The following SCN9A variants were observed in gnomAD, a reference collection of about 807,000 sequenced individuals.
The protein encoded by SCN9A is sodium voltage-gated channel alpha subunit 9.
Under a neutral mutation model 187.0 loss-of-function variants are expected in SCN9A, and 131 were observed. The observed-to-expected ratio is 0.70, with a 90% CI of 0.61 to 0.81. SCN9A has a LOEUF of 0.81. SCN9A is among the 30% of genes least tolerant of loss of function. The pLI, the probability that SCN9A is intolerant of heterozygous loss-of-function variation, is 0.00. For missense variants in SCN9A, 2,252 were observed against 2,396.6 expected, an observed-to-expected ratio of 0.94 and a Z score of 1.26; for synonymous variants, 809 against 808.6, an observed-to-expected ratio of 1.00 and a Z score of -0.01.
At chr2:166,284,920 G>T in intron 11 of SCN9A, 96 bp from the exon 12 acceptor site, 2 of 1,331,644 alleles carry the variant, frequency 1.5e-6, no homozygotes, top group Non-Finnish European at 2.0e-6. Context: ...CTGAGGGCAG[G>T]TGGCTCTGTA....
At position 166,346,178 on chromosome 2, in the gene SCN9A, C is replaced by T. The variant is rs532090630; in HGVS notation, c.-51+29519G>A. Among the ~76,000 whole-genome samples the T allele has an allele frequency of 2.0e-5, 3 of 152,304 alleles. No individual in the cohort carries two copies. In the East Asian group the frequency reaches 5.8e-4, roughly 29 times the overall value. ...AACAAGAGTCAGTGATGCCCTACCA[C>T]TATCCCCTTTCCCCTGCCTTAATCA... On this transcript the variant is annotated intron_variant, in intron 1 of 26. Coordinates refer to ENST00000642356, the MANE Select transcript of SCN9A (RefSeq NM_001365536.1).
rs746552388 is a variant in SCN9A, at chr2:166,304,034, G to C, written c.688+204C>G. 1.1e-5 allele frequency: 18 copies of C among 1,612,934 alleles called. No individual in the cohort carries two copies. The South Asian group carries it at 1.6e-4, about 15-fold the overall frequency. ...TGGTGTTTAACCCCACTCTCACCTG[G>C]AATGACTGAAATTGTTTTCAATGCT... On this transcript the variant is annotated intron_variant, in intron 6 of 26. Coordinates refer to ENST00000642356, the MANE Select transcript of SCN9A (RefSeq NM_001365536.1).
chr2:166,228,891 T>C lies in SCN9A; in HGVS notation c.4006A>G (p.Ser1336Gly), dbSNP rs1694964953. The C allele has an allele frequency of 1.9e-6, 3 of 1,613,662 alleles. No individual in the cohort carries two copies. Among genetic ancestry groups the C allele is most frequent in the Non-Finnish European group, 2.5e-6 (3 of 1,179,610 alleles). ...GCAAACAAATTTACTCCCATGATGC[T>C]GAATATCAGCCAGAATATAAGACAC... ...LVCLIFWLIF[S>G]IMGVNLFAGK... The change falls in exon 22 of 27, where the codon AGC (serine) becomes GGC (glycine). Residue 1336 changes from serine (S) to glycine (G), a missense_variant. This residue lies in a region of SCN9A where 368 missense variants were observed against 408.6 expected (regional missense o/e 0.90). Coordinates refer to ENST00000642356, the MANE Select transcript of SCN9A (RefSeq NM_001365536.1).
intron 14 of SCN9A, 55 bp from the exon 15 acceptor site, chr2:166,278,368 C>T (rs1355840849): frequency 2.9e-6 from 4 of 1,364,408 alleles, no homozygotes; most frequent in African/African-American, 1.5e-5. Flanking sequence ...GAAATCAACA[C>T]AATGATAATA....
chr2:166,304,029 A>T (rs746391927), intron 6 of SCN9A: 2 of 1,612,826 alleles, frequency 1.2e-6, no homozygotes, highest in Non-Finnish European at 1.7e-6. Flanking sequence ...CCCCACTCTC[A>T]CCTGGAATGA....
chr2:166,222,503 C>T (rs2106376514), intron 24 of SCN9A, among the ~76,000 whole-genome samples: 1 of 152,152 alleles, frequency 6.6e-6, no homozygotes, highest in South Asian at 2.1e-4. Context: ...TGGCACATGC[C>T]TGTAATCCCA....
chr2:166,370,232 A>ATCATCATCATC lies in SCN9A; in HGVS notation c.-51+5464_-51+5465insGATGATGATGA, dbSNP rs1553507732. Reference sequence around the variant, plus strand: ...TAATAATAATAATAATAATAATAATAATAATCATCATCATCATCATTAGAT... The same window carrying ATCATCATCATC: ...TAATAATAATAATAATAATAATAATATCATCATCATCATAATCATCATCATCATCATTAGAT... On this transcript the variant is annotated intron_variant, in intron 1 of 26. Coordinates refer to ENST00000642356, the MANE Select transcript of SCN9A (RefSeq NM_001365536.1). Among the ~76,000 whole-genome samples, 778 of 137,248 alleles carry ATCATCATCATC rather than the reference A, an allele frequency of 5.7e-3. 5 individuals carry two copies. Among genetic ancestry groups the ATCATCATCATC allele is most frequent in the African/African-American group, 6.8e-3 (247 of 36,396 alleles). The allele number at this position is 137,248 out of a possible 152,430, so 90.0% of individuals were successfully genotyped here. A position where few individuals can be genotyped will look rare whatever the true frequency, so the allele number is the denominator to read the frequency against.
chr2:166,205,961 G>C (rs547354632), intron 24 of SCN9A, among the ~76,000 whole-genome samples: 1 of 152,156 alleles, frequency 6.6e-6, no homozygotes, highest in Non-Finnish European at 1.5e-5. Flanking sequence ...AAACCACAAT[G>C]AGATACCACC....
chr2:166,360,857 A>G (rs1700267229), intron 1 of SCN9A, among the ~76,000 whole-genome samples: 1 of 152,116 alleles, frequency 6.6e-6, no homozygotes, highest in Admixed American at 6.5e-5. Flanking sequence ...TAAACACAAA[A>G]CCTTACGAAA....
chr2:166,282,401 C>T (rs1227715524), intron 12 of SCN9A, among the ~76,000 whole-genome samples: 2 of 152,172 alleles, frequency 1.3e-5, no homozygotes, highest in African/African-American at 4.8e-5. Context: ...ATGCAAGCTA[C>T]ATCTGAAAGA....
intron 9 of SCN9A, among the ~76,000 whole-genome samples, chr2:166,289,182 TA>T (rs1697924191): frequency 6.6e-6 from 1 of 152,080 alleles, no homozygotes; most frequent in African/African-American, 2.4e-5. Context: ...AGAGGAAAAT[TA>T]AACTGAAGGT....
intron 26 of SCN9A, among the ~76,000 whole-genome samples, chr2:166,201,874 C>T (rs1380588888): frequency 6.6e-6 from 1 of 151,578 alleles, no homozygotes; most frequent in Non-Finnish European, 1.5e-5. Context: ...ATTTTCATGA[C>T]ATTTGAAAAC....
chr2:166,223,403 C>T (rs1473599131), intron 24 of SCN9A, among the ~76,000 whole-genome samples: 2 of 152,136 alleles, frequency 1.3e-5, no homozygotes, highest in Non-Finnish European at 2.9e-5. Context: ...CACTATTCAG[C>T]CTTATAAAGA....
Position 166,286,489 on chromosome 2 carries a change from CT to C in SCN9A, c.1448del (p.Lys483ArgfsTer82). On this transcript the variant is annotated frameshift_variant, in exon 11 of 27. Transcript: ENST00000642356. LOFTEE classifies it high-confidence loss of function. ...CTCCACTGGAGAGCTTCTTTTGATT[CT>C]TTTTCTTTCTTCTGTTTCTTCTTTC... ...AKERRNRRKKKNQKKLSSGEE... is the reference protein window; with the variant it reads ...AKERRNRRKKXNQKKLSSGEE... 6.2e-7 allele frequency: 1 copy of C among 1,613,684 alleles called. No homozygotes were observed. The highest frequency in any genetic ancestry group is 8.5e-7 in the Non-Finnish European group (1 of 1,179,772).
At chr2:166,270,986 G>A (rs183415414) in intron 17 of SCN9A, among the ~76,000 whole-genome samples, 39 of 151,850 alleles carry the variant, frequency 2.6e-4, no homozygotes, top group African/African-American at 8.4e-4. Flanking sequence ...TTTGTAATAC[G>A]GTTGTTATAT....
intron 1 of SCN9A, among the ~76,000 whole-genome samples, chr2:166,343,527 A>G (rs149034908): frequency 1.4e-3 from 213 of 148,670 alleles, no homozygotes; most frequent in African/African-American, 5.1e-3. Flanking sequence ...AAAGAACCTG[A>G]TTTGAATTGC....
At chr2:166,327,299 C>A (rs182169962) in intron 1 of SCN9A, among the ~76,000 whole-genome samples, 1 of 152,144 alleles carries the variant, frequency 6.6e-6, no homozygotes, top group Non-Finnish European at 1.5e-5. Context: ...ACCACAGGTG[C>A]GTGCCACCAT....
intron 24 of SCN9A, among the ~76,000 whole-genome samples, chr2:166,210,913 C>A (rs1694060789): frequency 6.6e-6 from 1 of 151,790 alleles, no homozygotes; most frequent in Admixed American, 6.6e-5. Context: ...TTACAAAAAT[C>A]AGCTGGGTGT....
chr2:166,305,661 G>A (rs1698730318), intron 5 of SCN9A, 131 bp downstream of exon 5: 1 of 1,219,212 alleles, frequency 8.2e-7, no homozygotes, highest in Non-Finnish European at 1.2e-6. Flanking sequence ...CTTTCATATA[G>A]CTTCCATTTT....
Sources: allele counts gnomAD v4.1 joint callset (sites outside exome capture counted in the v4.1 genomes callset), GRCh38; gene constraint gnomAD v4.1.1; regional missense constraint gnomAD v4.1.1; transcripts MANE v1.5; gene names NCBI Gene and HGNC (gene_info 2026-07-23, HGNC 2026-07-21).